The following FAM200B variants were observed in gnomAD, a reference collection of about 807,000 sequenced individuals.
The protein encoded by FAM200B is protein FAM200B.
Under a neutral mutation model 33.1 loss-of-function variants are expected in FAM200B, and 32 were observed. The ratio of observed to expected loss-of-function variants is 0.97; its 90% confidence interval spans 0.73 to 1.30. The LOEUF (loss-of-function observed/expected upper bound fraction) is 1.30, where lower values mean the gene tolerates loss of function less well. Ranked by LOEUF, FAM200B falls within the 50% of genes most tolerant of loss-of-function variation. The probability of loss-of-function intolerance (pLI) is 0.00; values close to 1 mark genes in which losing one functional copy is unlikely to be tolerated. For missense variants in FAM200B, 741 were observed against 754.0 expected (o/e 0.98, Z 0.20); for synonymous variants, 240 against 264.8 (o/e 0.91, Z 0.91).
At chr4:15,671,546 T>C in the FAM200B span, among the ~76,000 whole-genome samples, 1 of 152,164 alleles carries the variant, frequency 6.6e-6, no homozygotes, top group African/African-American at 2.4e-5. Flanking sequence ...AGTGTTGGAA[T>C]TACAGGCGTG....
chr4:15,647,549 G>A, the FAM200B span, among the ~76,000 whole-genome samples: 11 of 152,054 alleles, frequency 7.2e-5, no homozygotes, highest in Non-Finnish European at 1.6e-4. Context: ...AAGACATACA[G>A]GGAATTTTGC....
At position 15,687,305 on chromosome 4, in the gene FAM200B, C is replaced by A; in HGVS notation, c.328C>A (p.Gln110Lys). The A allele has an allele frequency of 1.3e-6, 2 of 1,545,996 alleles. No homozygotes were observed. Among genetic ancestry groups the A allele is most frequent in the Non-Finnish European group, 8.7e-7 (1 of 1,143,642 alleles). The change falls in exon 2 of 2, where the codon CAG becomes AAG. Residue 110 changes from glutamine to lysine, a missense_variant. Coordinates refer to ENST00000422728, the MANE Select transcript of FAM200B (RefSeq NM_001145191.2). ...GAAATTAAAAAGGCACTTAGAAACT[C>A]AGCATGCTGAACTTATTGATAAGCC... ...PSKLKRHLET[Q>K]HAELIDKPLE...
At chr4:15,670,019 G>C in the FAM200B span, among the ~76,000 whole-genome samples, 5 of 152,180 alleles carry the variant, frequency 3.3e-5, no homozygotes, top group Non-Finnish European at 2.9e-5. Context: ...TAGAGCTACT[G>C]TATTGTTATA....
At chr4:15,649,872 AC>A in the FAM200B span, among the ~76,000 whole-genome samples, 2 of 152,166 alleles carry the variant, frequency 1.3e-5, no homozygotes, top group African/African-American at 4.8e-5. Flanking sequence ...AAGAAAATTT[AC>A]CCCACATCAT....
chr4:15,655,162 C>T, the FAM200B span: 1 of 1,345,800 alleles, frequency 7.4e-7, no homozygotes, highest in Non-Finnish European at 9.8e-7. Context: ...CTCCCCATCG[C>T]CGCCCGCACC....
chr4:15,677,357 C>T (rs1718032042), upstream of FAM200B, among the ~76,000 whole-genome samples: 1 of 152,128 alleles, frequency 6.6e-6, no homozygotes, highest in African/African-American at 2.4e-5. Context: ...TTTTATACTT[C>T]ATAATATATC....
chr4:15,657,828 G>A, the FAM200B span, among the ~76,000 whole-genome samples: 1 of 152,200 alleles, frequency 6.6e-6, no homozygotes, highest in Non-Finnish European at 1.5e-5. Context: ...TGCAACTACA[G>A]CAGATTTGGG....
In FAM200B at chr4:15,689,519, A is replaced by G. The variant is rs1168116288; in HGVS notation, c.*568A>G. The G allele has an allele frequency of 6.0e-6, 1 of 167,034 alleles. No homozygotes were observed. Among genetic ancestry groups the G allele is most frequent in the African/African-American group, 2.4e-5 (1 of 41,454 alleles). 10.3% of individuals were successfully genotyped at this position (167,034 alleles called of 1,614,324 possible). A position where few individuals can be genotyped will look rare whatever the true frequency, so the allele number is the denominator to read the frequency against. ...CTGGGCATGGTGGCTCAGACCTGTA[A>G]TCCCCGCACTTTGGCAGGCCATGGC... On this transcript the variant is annotated 3_prime_UTR_variant, in exon 2 of 2. Transcript: ENST00000422728.
upstream of FAM200B, among the ~76,000 whole-genome samples, chr4:15,681,064 T>C (rs1396559374): frequency 2.6e-5 from 4 of 151,866 alleles, no homozygotes; most frequent in East Asian, 7.7e-4. Flanking sequence ...AAATCTGCTT[T>C]GTTACAATCA....
the FAM200B span, among the ~76,000 whole-genome samples, chr4:15,662,886 C>G: frequency 6.6e-6 from 1 of 152,100 alleles, no homozygotes; most frequent in Non-Finnish European, 1.5e-5. Flanking sequence ...TCAGTGTGCA[C>G]AATTGTTACT....
At chr4:15,681,316 G>C (rs944447031), upstream of FAM200B, 1 of 156,980 alleles carries the variant, frequency 6.4e-6, no homozygotes, top group African/African-American at 2.4e-5. Context: ...GCCCCGCCAG[G>C]TCGGGGCTGG....
the FAM200B span, among the ~76,000 whole-genome samples, chr4:15,653,520 G>A: frequency 6.6e-6 from 1 of 152,088 alleles, no homozygotes; most frequent in East Asian, 1.9e-4. Flanking sequence ...CTAGGAAAAT[G>A]GACACACGCA....
Position 15,687,317 on chromosome 4 carries a change from C to A in FAM200B, c.340C>A (p.Leu114Ile), listed in dbSNP as rs1159173114. Residue 114 changes from leucine (L) to isoleucine (I), a missense_variant, in exon 2 of 2, where the codon CTT (leucine) becomes ATT (isoleucine). Coordinates refer to ENST00000422728, the MANE Select transcript of FAM200B (RefSeq NM_001145191.2). Reference sequence around the variant, plus strand: ...GCACTTAGAAACTCAGCATGCTGAACTTATTGATAAGCCTCTTGAATATTT... The same window carrying A: ...GCACTTAGAAACTCAGCATGCTGAAATTATTGATAAGCCTCTTGAATATTT... ...KRHLETQHAE[L>I]IDKPLEYFQR... The A allele has an allele frequency of 1.9e-6, 3 of 1,545,094 alleles. No homozygotes were observed. Among genetic ancestry groups the A allele is most frequent in the Non-Finnish European group, 2.6e-6 (3 of 1,143,174 alleles).
At position 15,688,165 on chromosome 4, in the gene FAM200B, C is replaced by G; in HGVS notation, c.1188C>G (p.Ser396Arg). The G allele has an allele frequency of 6.4e-7, 1 of 1,551,028 alleles. No individual in the cohort carries two copies. The highest frequency in any genetic ancestry group is 8.7e-7 in the Non-Finnish European group (1 of 1,146,618). ...IRWLSQGKIL[S>R]RVYELRNEIH... ...GGTTGTCTCAAGGGAAAATACTAAG[C>G]AGGGTTTATGAGCTCAGGAATGAGA... Residue 396 changes from serine (S) to arginine (R), a missense_variant, in exon 2 of 2, where the codon AGC (serine) becomes AGG (arginine). Coordinates refer to ENST00000422728, the MANE Select transcript of FAM200B (RefSeq NM_001145191.2).
the FAM200B span, among the ~76,000 whole-genome samples, chr4:15,667,817 G>A: frequency 2.0e-5 from 3 of 152,060 alleles, no homozygotes; most frequent in African/African-American, 4.8e-5. Flanking sequence ...CAATGTGGGC[G>A]GATCACCTGA....
chr4:15,640,982 A>C, the FAM200B span: 1 of 567,138 alleles, frequency 1.8e-6, no homozygotes, highest in Non-Finnish European at 3.0e-6. Flanking sequence ...CCTCCGGGGA[A>C]AAAAAAATAG....
At chr4:15,670,084 G>A in the FAM200B span, among the ~76,000 whole-genome samples, 1 of 152,188 alleles carries the variant, frequency 6.6e-6, no homozygotes, top group Non-Finnish European at 1.5e-5. Flanking sequence ...ACCTTGAAAT[G>A]AATTGCATGT....
At chr4:15,656,163 G>C in the FAM200B span, 13 of 455,920 alleles carry the variant, frequency 2.9e-5, no homozygotes, top group Non-Finnish European at 4.8e-5. Context: ...GTTGGTGCGG[G>C]AAAGAACCTT....
At chr4:15,667,486 G>C in the FAM200B span, among the ~76,000 whole-genome samples, 3 of 151,982 alleles carry the variant, frequency 2.0e-5, no homozygotes, top group Non-Finnish European at 2.9e-5. Flanking sequence ...AAATGGAATA[G>C]TATTCCATTT....
Sources: gnomAD v4.1 joint callset for allele counts (sites outside exome capture counted in the v4.1 genomes callset) on GRCh38, gnomAD v4.1.1 for gene constraint, MANE v1.5 for transcripts, NCBI Gene and HGNC (gene_info 2026-07-23, HGNC 2026-07-21) for gene names.